Variants in PDE2A observed in about 807,000 individuals in gnomAD.
PDE2A encodes the protein phosphodiesterase 2A.
A neutral mutation model predicts 133.6 loss-of-function variants in PDE2A; 53 were observed. The ratio of observed to expected loss-of-function variants is 0.40; its 90% CI spans 0.32 to 0.50. The LOEUF (loss-of-function observed/expected upper bound fraction) is 0.50. Among genes scored for constraint, PDE2A ranks in the 20% least tolerant of loss-of-function variants. PDE2A has a pLI of 0.73. For missense variants in PDE2A, 796 were observed against 1,232.4 expected (o/e 0.65, Z 5.30); for synonymous variants, 491 against 490.2 (o/e 1.00, Z -0.02).
intron 6 of PDE2A, among the ~76,000 whole-genome samples, chr11:72,593,201 G>A (rs1257449617): frequency 9.5e-5 from 10 of 105,116 alleles, no homozygotes; most frequent in Non-Finnish European, 1.5e-4. Context: ...ACACACACAC[G>A]GTGCAGTCAC....
intron 2 of PDE2A, among the ~76,000 whole-genome samples, chr11:72,623,933 C>T (rs1857914000): frequency 6.6e-6 from 1 of 152,120 alleles, no homozygotes. Context: ...CTTATCTCCC[C>T]TCCCCTGCCA....
intron 7 of PDE2A, chr11:72,591,025 A>G: frequency 2.2e-6 from 1 of 454,746 alleles, no homozygotes; most frequent in Non-Finnish European, 3.9e-6. Context: ...AAAAGTCGAA[A>G]ATTGTAAGTT....
intron 2 of PDE2A, among the ~76,000 whole-genome samples, chr11:72,626,814 C>T (rs1858101851): frequency 1.3e-5 from 2 of 152,226 alleles, no homozygotes; most frequent in African/African-American, 4.8e-5. Flanking sequence ...ACCAAGCCTT[C>T]CTCAGCCCAG....
rs1166487617 is a variant in PDE2A at position 72,590,500 on chromosome 11, CG to C, written c.629del (p.Pro210ArgfsTer83). The C allele has an allele frequency of 1.3e-6, 2 of 1,513,674 alleles. No homozygotes were observed. Among genetic ancestry groups the C allele is most frequent in the South Asian group, 2.6e-5 (2 of 77,234 alleles). 93.8% of individuals were successfully genotyped at this position (1,513,674 alleles called of 1,614,324 possible). A position where few individuals can be genotyped will look rare whatever the true frequency, so the allele number is the denominator to read the frequency against. On this transcript the variant is annotated frameshift_variant, in exon 8 of 31. Coordinates refer to ENST00000334456, the MANE Select transcript of PDE2A (RefSeq NM_002599.5). LOFTEE classifies it high-confidence loss of function. This position sits in a 1 kb window ranked among gnomAD's most constrained non-coding sequence, Gnocchi z 4.8. ...REAPRAVQNPPEGTAEDQKGG... is the reference protein window; with the variant it reads ...REAPRAVQNPXEGTAEDQKGG... ...CCTTCTGGTCTTCCGCCGTCCCCTC[CG>C]GGGGGTTCTGGACGGCTCGGGGAGC...
At chr11:72,626,245 A>C (rs1207503708) in intron 2 of PDE2A, among the ~76,000 whole-genome samples, 5 of 152,232 alleles carry the variant, frequency 3.3e-5, no homozygotes. Flanking sequence ...TCAGTCAGCC[A>C]GGGGTGTGGA....
At chr11:72,609,101 C>T (rs1161390849) in intron 2 of PDE2A, among the ~76,000 whole-genome samples, 1 of 152,270 alleles carries the variant, frequency 6.6e-6, no homozygotes, top group African/African-American at 2.4e-5. Context: ...CAAATTAAAA[C>T]AAAACAAGCA....
intron 2 of PDE2A, among the ~76,000 whole-genome samples, chr11:72,635,787 C>T (rs898695980): frequency 1.3e-5 from 2 of 152,230 alleles, no homozygotes; most frequent in Admixed American, 6.5e-5. Flanking sequence ...ACTGCAAGAT[C>T]GGACCTCAGC....
chr11:72,580,652 A>G (rs1267099900), intron 24 of PDE2A, 28 bp from the exon 25 acceptor site: 1 of 1,542,022 alleles, frequency 6.5e-7, no homozygotes. Context: ...AACTGTGGTC[A>G]CTCCTCACAT....
intron 19 of PDE2A, among the ~76,000 whole-genome samples, chr11:72,583,760 G>C (rs1486714117): frequency 6.6e-6 from 1 of 152,086 alleles, no homozygotes; most frequent in Non-Finnish European, 1.5e-5. Flanking sequence ...CCCCACACCT[G>C]ATCCAGGCTT....
rs558163146 is a variant in PDE2A at position 72,619,465 on chromosome 11, A to G, written c.145-10714T>C. Among the ~76,000 whole-genome samples the G allele has an allele frequency of 3.3e-5, 5 of 152,278 alleles. No individual in the cohort carries two copies. In the South Asian group the frequency reaches 1.0e-3, roughly 32 times the overall value. On this transcript the variant is annotated intron_variant, in intron 2 of 30. Coordinates refer to ENST00000334456, the MANE Select transcript of PDE2A (RefSeq NM_002599.5). The stretch of plus-strand genomic sequence containing the variant: ...GGAGAATTTCCTTGTGAAAGTATGT[A>G]GGTCTGTGTCTCTGTAGGAATCTGT...
intron 23 of PDE2A, 109 bp downstream of exon 23, chr11:72,581,248 G>A (rs1342634086): frequency 1.1e-5 from 12 of 1,137,000 alleles, no homozygotes; most frequent in Non-Finnish European, 1.5e-5. Context: ...GGGCTAAGAA[G>A]ATCCCATGAG....
At position 72,588,815 on chromosome 11, in the gene PDE2A, C is replaced by T; in HGVS notation, c.1039G>A (p.Ala347Thr). ...CCTTCTAGCTTGTTGAAGGCGCAGGCCAAGGCCACCACCTGGTCAGTGGCC... is the reference window on the plus strand; with the variant it reads ...CCTTCTAGCTTGTTGAAGGCGCAGGTCAAGGCCACCACCTGGTCAGTGGCC... ...SRATDQVVALACAFNKLEGDL... is the reference protein window; with the variant it reads ...SRATDQVVALTCAFNKLEGDL... Residue 347 changes from alanine (A) to threonine (T), a missense_variant, in exon 13 of 31, where the codon GCC (alanine) becomes ACC (threonine). By Grantham distance (58) the Ala-to-Thr change is moderately conservative. Transcript: ENST00000334456. The T allele has an allele frequency of 6.2e-7, 1 of 1,609,644 alleles. No individual in the cohort carries two copies. Among genetic ancestry groups the T allele is most frequent in the Non-Finnish European group, 8.5e-7 (1 of 1,176,704 alleles).
intron 1 of PDE2A, among the ~76,000 whole-genome samples, chr11:72,663,739 A>G (rs926772710): frequency 5.9e-5 from 9 of 152,046 alleles, no homozygotes; most frequent in South Asian, 2.1e-4. Flanking sequence ...AAAAAAAAAA[A>G]AAAGAAAGAA....
intron 2 of PDE2A, among the ~76,000 whole-genome samples, chr11:72,617,802 G>A (rs1857547621): frequency 6.6e-6 from 1 of 152,116 alleles, no homozygotes; most frequent in Non-Finnish European, 1.5e-5. Flanking sequence ...AGAAGAGCGG[G>A]GTCCACCCTC....
At chr11:72,658,250 G>C (rs1854953871) in intron 1 of PDE2A, 1 of 392,730 alleles carries the variant, frequency 2.5e-6, no homozygotes, top group Non-Finnish European at 5.1e-6. Context: ...GATTGGGCTG[G>C]GAGCTCCTCC....
chr11:72,641,025 C>T (rs1677403340), intron 2 of PDE2A, among the ~76,000 whole-genome samples: 2 of 152,184 alleles, frequency 1.3e-5, no homozygotes, highest in Admixed American at 6.5e-5. Context: ...CCAACACATG[C>T]AACCCAGCCC....
intron 1 of PDE2A, among the ~76,000 whole-genome samples, chr11:72,661,620 T>C (rs1855066134): frequency 6.6e-6 from 1 of 152,140 alleles, no homozygotes. Flanking sequence ...ATCTGAAGAA[T>C]GACAGGAATT....
At position 72,576,477 on chromosome 11, in the gene PDE2A, AC is replaced by A. The variant is rs370814370; in HGVS notation, c.*906del. 6 of 158,248 alleles carry A rather than the reference AC, an allele frequency of 3.8e-5. No homozygotes were observed. Among genetic ancestry groups the A allele is most frequent in the African/African-American group, 1.4e-4 (6 of 41,618 alleles). 9.8% of individuals were successfully genotyped at this position (158,248 alleles called of 1,614,324 possible). On this transcript the variant is annotated 3_prime_UTR_variant, in exon 31 of 31. Transcript: ENST00000334456. Reference sequence around the variant, plus strand: ...GGGTAAGGGGCTCAGGCCAAGGGGAACACTCAGGGGGCCTCTGAGACACTCA... The same window carrying A: ...GGGTAAGGGGCTCAGGCCAAGGGGAAACTCAGGGGGCCTCTGAGACACTCA...
At chr11:72,642,503 G>A (rs1348581261) in intron 1 of PDE2A, 177 bp from the exon 2 acceptor site, 1 of 430,714 alleles carries the variant, frequency 2.3e-6, no homozygotes, top group African/African-American at 1.0e-4. Context: ...GCCCGCCCCC[G>A]GCCCGCCCCG....
Sources: gnomAD v4.1 joint callset for allele counts (sites outside exome capture counted in the v4.1 genomes callset) on GRCh38, gnomAD v4.1.1 for gene constraint, Gnocchi (gnomAD v3.1) non-coding constraint, MANE v1.5 for transcripts, NCBI Gene and HGNC (gene_info 2026-07-23, HGNC 2026-07-21) for gene names.